EXOC4: variants seen among roughly 807,000 people sequenced by gnomAD.
EXOC4 encodes the protein exocyst complex component 4, also known as SEC8-like 1.
In EXOC4, 71 loss-of-function variants were observed where a neutral mutation model predicts 107.2. The ratio of observed to expected loss-of-function variants is 0.66; its 90% CI spans 0.55 to 0.81. The LOEUF is 0.81. Ranked by LOEUF, EXOC4 falls within the 30% of genes least tolerant of loss-of-function variation. The pLI, the probability that EXOC4 is intolerant of heterozygous loss-of-function variation, is 0.00. For synonymous variants in EXOC4, 456 were observed against 441.2 expected, an observed-to-expected ratio of 1.03 and a Z score of -0.42; for missense variants, 1,108 against 1,189.6, an observed-to-expected ratio of 0.93 and a Z score of 1.01.
At chr7:133,297,084 A>T (rs1794536341) in intron 3 of EXOC4, among the ~76,000 whole-genome samples, 1 of 152,342 alleles carries the variant, frequency 6.6e-6, no homozygotes, top group Non-Finnish European at 1.5e-5. Context: ...TATGTAAGAC[A>T]CACATCACAT....
chr7:133,362,370 G>A (rs567852819), intron 6 of EXOC4, among the ~76,000 whole-genome samples: 1 of 152,230 alleles, frequency 6.6e-6, no homozygotes, highest in Non-Finnish European at 1.5e-5. Flanking sequence ...TGTCATCCAT[G>A]TGTCTGTCAT....
intron 9 of EXOC4, chr7:133,484,292 G>T (rs1799224829): frequency 8.5e-6 from 8 of 937,468 alleles, no homozygotes; most frequent in Non-Finnish European, 1.2e-5. Flanking sequence ...CAGTTGGGCT[G>T]CGGAGATGTG....
chr7:133,345,816 T>C (rs960148786), intron 5 of EXOC4, among the ~76,000 whole-genome samples: 1 of 152,192 alleles, frequency 6.6e-6, no homozygotes, highest in Non-Finnish European at 1.5e-5. Flanking sequence ...CAAGTAGCAG[T>C]TGGCAACAAC....
In EXOC4 at chr7:133,895,738, A is replaced by G. The variant is rs771661890; in HGVS notation, c.1871+3A>G. 2.5e-6 allele frequency: 4 copies of G among 1,613,306 alleles called. No homozygotes were observed. In the South Asian group the frequency reaches 3.3e-5, roughly 13 times the overall value. On this transcript the variant is annotated splice_donor_region_variant and intron_variant, in intron 12 of 17. Coordinates refer to ENST00000253861, the MANE Select transcript of EXOC4 (RefSeq NM_021807.4). ...GACACCTGCACTGCAGCTTACAGGTAGAGCTTCTGTTAGGGGCTAAGCAAA... is the reference window on the plus strand; with the variant it reads ...GACACCTGCACTGCAGCTTACAGGTGGAGCTTCTGTTAGGGGCTAAGCAAA...
intron 7 of EXOC4, among the ~76,000 whole-genome samples, chr7:133,419,946 A>T (rs1192263607): frequency 6.8e-6 from 1 of 147,630 alleles, no homozygotes; most frequent in African/African-American, 2.5e-5. Flanking sequence ...GGCTCAACTG[A>T]GGAAGAGTCT....
intron 7 of EXOC4, among the ~76,000 whole-genome samples, chr7:133,412,649 C>G (rs1036915977): frequency 1.3e-5 from 2 of 151,880 alleles, no homozygotes; most frequent in Non-Finnish European, 2.9e-5. Flanking sequence ...TAGTGAGACT[C>G]TATCTCTAAA....
At chr7:133,811,874 C>T (rs1797240133) in intron 10 of EXOC4, among the ~76,000 whole-genome samples, 1 of 152,154 alleles carries the variant, frequency 6.6e-6, no homozygotes, top group Non-Finnish European at 1.5e-5. Flanking sequence ...GTTTCAGGAA[C>T]TATGGATTAT....
chr7:133,684,177 T>C (rs1794245466), intron 10 of EXOC4, among the ~76,000 whole-genome samples: 1 of 152,206 alleles, frequency 6.6e-6, no homozygotes, highest in East Asian at 1.9e-4. Flanking sequence ...ACTGGTCATA[T>C]TGCTCAGAAA....
intron 11 of EXOC4, among the ~76,000 whole-genome samples, chr7:133,819,277 C>CTTTTTTTTTTTTT (rs59308684): frequency 7.0e-6 from 1 of 142,752 alleles, no homozygotes. Context: ...AAATGGAATA[C>CTTTTTTTTTTTTT]TTTTTTTTTT....
chr7:133,351,764 T>A (rs1321030803), intron 5 of EXOC4, among the ~76,000 whole-genome samples: 2 of 151,936 alleles, frequency 1.3e-5, no homozygotes, highest in Non-Finnish European at 2.9e-5. Context: ...AGCTGTAAAA[T>A]TAAGCTGTTG....
At chr7:133,865,293 A>G (rs1798613686) in intron 11 of EXOC4, among the ~76,000 whole-genome samples, 1 of 152,210 alleles carries the variant, frequency 6.6e-6, no homozygotes, top group Admixed American at 6.5e-5. Flanking sequence ...ACAGATGAAT[A>G]CATAAATATA....
intron 15 of EXOC4, among the ~76,000 whole-genome samples, chr7:134,002,775 A>C (rs1316231055): frequency 1.3e-5 from 2 of 152,204 alleles, no homozygotes; most frequent in Admixed American, 1.3e-4. Context: ...ATACTGCTCT[A>C]CATCTATTAG....
chr7:133,282,365 G>C (rs1368941963), intron 2 of EXOC4, among the ~76,000 whole-genome samples: 1 of 152,160 alleles, frequency 6.6e-6, no homozygotes, highest in Non-Finnish European at 1.5e-5. Context: ...CTAAAACTCT[G>C]AGAAAGCAAA....
intron 9 of EXOC4, among the ~76,000 whole-genome samples, chr7:133,506,028 C>T (rs1042037129): frequency 6.6e-6 from 1 of 152,094 alleles, no homozygotes; most frequent in South Asian, 2.1e-4. Flanking sequence ...TGGCCTTCTT[C>T]AACTAGAGTT....
chr7:133,448,473 T>C (rs1455770790), intron 7 of EXOC4, among the ~76,000 whole-genome samples: 1 of 152,030 alleles, frequency 6.6e-6, no homozygotes, highest in Non-Finnish European at 1.5e-5. Context: ...AATTTTTAAT[T>C]AATTTATTTA....
At chr7:133,447,922 T>C (rs1266951789) in intron 7 of EXOC4, among the ~76,000 whole-genome samples, 1 of 152,206 alleles carries the variant, frequency 6.6e-6, no homozygotes, top group Non-Finnish European at 1.5e-5. Context: ...AAAATGTCTA[T>C]TATGTTGTGA....
chr7:133,438,407 C>T (rs550517376), intron 7 of EXOC4, among the ~76,000 whole-genome samples: 1 of 152,062 alleles, frequency 6.6e-6, no homozygotes, highest in Non-Finnish European at 1.5e-5. Context: ...GATTTTGTCT[C>T]TTATTTCTCT....
Position 134,064,720 on chromosome 7 carries a change from T to G in EXOC4, c.*192T>G. The G allele has an allele frequency of 2.5e-6, 1 of 394,312 alleles. No homozygotes were observed. The highest frequency in any genetic ancestry group is 7.3e-5 in the South Asian group (1 of 13,752). 24.4% of individuals were successfully genotyped at this position (394,312 alleles called of 1,614,324 possible). A position where few individuals can be genotyped will look rare whatever the true frequency, so the allele number is the denominator to read the frequency against. On this transcript the variant is annotated 3_prime_UTR_variant, in exon 18 of 18. Coordinates refer to ENST00000253861, the MANE Select transcript of EXOC4 (RefSeq NM_021807.4). ...AAAGGAAGGCGACAGTACAGAGTGT[T>G]TTGGTTGAACAACTACTTTAATGCA... is the stretch of plus-strand genomic sequence containing the variant.
At chr7:133,260,372 C>G (rs1795119383) in intron 1 of EXOC4, among the ~76,000 whole-genome samples, 1 of 151,772 alleles carries the variant, frequency 6.6e-6, no homozygotes, top group Non-Finnish European at 1.5e-5. Flanking sequence ...CTCCCGGGTT[C>G]AAACAATTCT....
Sources: allele counts gnomAD v4.1 joint callset (sites outside exome capture counted in the v4.1 genomes callset), GRCh38; gene constraint gnomAD v4.1.1; transcripts MANE v1.5; gene names NCBI Gene and HGNC (gene_info 2026-07-23, HGNC 2026-07-21).